Variants in PDE4D observed in about 807,000 individuals in gnomAD.
PDE4D encodes phosphodiesterase 4D.
A neutral mutation model predicts 87.4 loss-of-function variants in PDE4D; 24 were observed. The observed-to-expected ratio is 0.27, with a 90% CI of 0.20 to 0.39. The LOEUF (loss-of-function observed/expected upper bound fraction) is 0.39, where lower values mean the gene tolerates loss of function less well. Ranked by LOEUF, PDE4D falls within the 10% of genes least tolerant of loss-of-function variation. The pLI is 1.00. For synonymous variants in PDE4D, 384 were observed against 383.2 expected (o/e 1.00, Z -0.02); for missense variants, 714 against 1,041.0 (o/e 0.69, Z 4.32).
chr5:59,864,727 C>T (rs1436778431), intron 1 of PDE4D, among the ~76,000 whole-genome samples: 1 of 152,268 alleles, frequency 6.6e-6, no homozygotes, highest in Non-Finnish European at 1.5e-5. Context: ...CTGGCAGTAC[C>T]TTTCACCCTT....
intron 2 of PDE4D, among the ~76,000 whole-genome samples, chr5:60,077,799 T>C (rs796608518): frequency 5.9e-5 from 9 of 152,310 alleles, no homozygotes; most frequent in East Asian, 1.9e-4. Flanking sequence ...CAAATGTCCA[T>C]GGTGGTTAAA....
chr5:59,151,883 A>AC (rs1435243359), intron 5 of PDE4D, among the ~76,000 whole-genome samples: 6 of 152,296 alleles, frequency 3.9e-5, no homozygotes, highest in African/African-American at 1.2e-4. Context: ...AGAATGGGAA[A>AC]CAAGACAAAT....
chr5:59,539,396 C>G (rs1046250158), intron 1 of PDE4D, among the ~76,000 whole-genome samples: 24 of 152,252 alleles, frequency 1.6e-4, no homozygotes, highest in African/African-American at 5.1e-4. Context: ...CCAAAAAATT[C>G]TAATCACTAG....
rs114690850 is a variant in PDE4D, at chr5:60,052,060, T to C, written c.43-63343A>G. Among the ~76,000 whole-genome samples, 1,293 of 152,072 alleles carry C rather than the reference T, an allele frequency of 8.5e-3. 15 individuals carry two copies. The highest frequency in any genetic ancestry group is 0.029 in the African/African-American group (1,191 of 41,492). On this transcript the variant is annotated intron_variant, in intron 2 of 16. Coordinates refer to the PDE4D transcript ENST00000502484. ...GAGGCAGTAATTAATAGCTTACCAA[T>C]CATAAAAGGCCCAGGACCAGACAGA...
At chr5:59,138,158 G>C (rs539060165) in intron 5 of PDE4D, among the ~76,000 whole-genome samples, 1 of 152,294 alleles carries the variant, frequency 6.6e-6, no homozygotes, top group East Asian at 1.9e-4. Context: ...ATTTGAGAAT[G>C]GCATCAGAAG....
At chr5:60,259,768 G>A (rs1027142358) in intron 1 of PDE4D, among the ~76,000 whole-genome samples, 2 of 151,942 alleles carry the variant, frequency 1.3e-5, no homozygotes, top group Non-Finnish European at 2.9e-5. Flanking sequence ...ATAAGGAAAG[G>A]CTCCTGCCCT....
chr5:59,974,634 T>C (rs1581991815), intron 3 of PDE4D, among the ~76,000 whole-genome samples: 3 of 152,196 alleles, frequency 2.0e-5, no homozygotes, highest in Admixed American at 6.5e-5. Flanking sequence ...CTCAACTTCT[T>C]GTTCCCTGGT....
At chr5:59,233,692 T>C (rs1755738017) in intron 1 of PDE4D, among the ~76,000 whole-genome samples, 1 of 152,156 alleles carries the variant, frequency 6.6e-6, no homozygotes, top group African/African-American at 2.4e-5. Flanking sequence ...GAGCCCTCTT[T>C]CTCTGAGTTT....
intron 2 of PDE4D, among the ~76,000 whole-genome samples, chr5:60,013,354 C>T (rs192321142): frequency 1.2e-4 from 19 of 152,270 alleles, no homozygotes; most frequent in Admixed American, 9.8e-4. Flanking sequence ...TGATTACAAC[C>T]TGGTCCTGAT....
intron 1 of PDE4D, among the ~76,000 whole-genome samples, chr5:59,791,415 A>G (rs1013202024): frequency 2.6e-5 from 4 of 152,216 alleles, no homozygotes; most frequent in Admixed American, 6.5e-5. Context: ...TTCTCAGCTG[A>G]TGGCATTGCA....
chr5:60,308,493 A>G (rs1408219794), intron 1 of PDE4D, among the ~76,000 whole-genome samples: 1 of 152,184 alleles, frequency 6.6e-6, no homozygotes, highest in African/African-American at 2.4e-5. Flanking sequence ...TTAAAAACCA[A>G]TAATAACAAA....
chr5:60,308,565 T>C (rs1311241610), intron 1 of PDE4D, among the ~76,000 whole-genome samples: 1 of 152,206 alleles, frequency 6.6e-6, no homozygotes, highest in African/African-American at 2.4e-5. Flanking sequence ...CAGTAAAAAG[T>C]AGAGCCAGAA....
chr5:59,491,539 T>G (rs952169712), intron 1 of PDE4D, among the ~76,000 whole-genome samples: 8 of 152,210 alleles, frequency 5.3e-5, no homozygotes, highest in African/African-American at 1.9e-4. Flanking sequence ...TTAAACATTT[T>G]GGAAAGCTTT....
chr5:58,996,714 G>A (rs2153348399), intron 6 of PDE4D, among the ~76,000 whole-genome samples: 1 of 152,274 alleles, frequency 6.6e-6, no homozygotes, highest in South Asian at 2.1e-4. Context: ...GATGCTACCT[G>A]CAGATATGCT....
chr5:59,231,804 C>T (rs1755268761), intron 1 of PDE4D, among the ~76,000 whole-genome samples: 1 of 152,114 alleles, frequency 6.6e-6, no homozygotes, highest in South Asian at 2.1e-4. Context: ...GTTTTGTTCC[C>T]TTGATCTTCC....
intron 2 of PDE4D, among the ~76,000 whole-genome samples, chr5:60,009,935 G>A (rs1305904971): frequency 6.6e-6 from 1 of 151,992 alleles, no homozygotes. Context: ...TTAAATTTTG[G>A]TTATGTGGCT....
At chr5:59,562,129 T>TTTTTG (rs145689177) in intron 1 of PDE4D, among the ~76,000 whole-genome samples, 13 of 152,034 alleles carry the variant, frequency 8.6e-5, no homozygotes, top group Non-Finnish European at 1.5e-4. Flanking sequence ...CCCAAAGTGT[T>TTTTTG]TTTTGTTTTG....
intron 1 of PDE4D, among the ~76,000 whole-genome samples, chr5:60,493,423 C>G (rs974799573): frequency 3.8e-4 from 58 of 152,230 alleles, no homozygotes; most frequent in African/African-American, 1.3e-3. Context: ...TATGTTGAAG[C>G]GAATTATATT....
chr5:60,109,356 A>G (rs1161055161), intron 2 of PDE4D, among the ~76,000 whole-genome samples: 1 of 151,958 alleles, frequency 6.6e-6, no homozygotes, highest in Non-Finnish European at 1.5e-5. Flanking sequence ...AAAAGTCAGG[A>G]AACAACAGGT....
Sources: gnomAD v4.1 joint callset for allele counts (sites outside exome capture counted in the v4.1 genomes callset) on GRCh38, gnomAD v4.1.1 for gene constraint, MANE v1.5 for transcripts, NCBI Gene and HGNC (gene_info 2026-07-23, HGNC 2026-07-21) for gene names.